The following GOLGA8A variants were observed in gnomAD, a reference collection of about 807,000 sequenced individuals.
GOLGA8A encodes golgin subfamily A member 8A.
In GOLGA8A, 3 loss-of-function variants were observed where a neutral mutation model predicts 22.1. The observed-to-expected ratio is 0.14, with a 90% CI of 0.06 to 0.35. GOLGA8A has a LOEUF of 0.35. Among genes scored for constraint, GOLGA8A ranks in the 10% least tolerant of loss-of-function variants. GOLGA8A has a pLI of 1.00. For synonymous variants in GOLGA8A, 7 were observed against 91.7 expected, an observed-to-expected ratio of 0.08 and a Z score of 5.28; for missense variants, 16 against 233.2, an observed-to-expected ratio of 0.07 and a Z score of 6.07.
At chr15:34,426,631 G>T (rs1426020649) in intron 2 of GOLGA8A, among the ~76,000 whole-genome samples, 2 of 144,756 alleles carry the variant, frequency 1.4e-5, no homozygotes, top group Non-Finnish European at 3.0e-5. Context: ...CATATGTTAG[G>T]CGCCACCCCC....
intron 1 of GOLGA8A, among the ~76,000 whole-genome samples, chr15:34,437,165 G>A (rs1456411638): frequency 1.4e-5 from 2 of 147,198 alleles, no homozygotes; most frequent in African/African-American, 2.5e-5. Context: ...GCACCCGCCC[G>A]CCCATCGTGG....
rs1045552849 is a variant in GOLGA8A at position 34,436,997 on chromosome 15, G to C, written c.-1212+401C>G. Among the ~76,000 whole-genome samples the C allele has an allele frequency of 2.7e-4, 41 of 149,342 alleles. 5 individuals are homozygous for C. Among genetic ancestry groups the C allele is most frequent in the African/African-American group, 8.6e-4 (35 of 40,522 alleles). ...CGCCCGGCACGGGGACTTGATGCCG[G>C]CGCCAAGCCGGGCAGCGGAACGCAC... On this transcript the variant is annotated intron_variant, in intron 1 of 24. Coordinates refer to ENST00000359187, the MANE Select transcript of GOLGA8A (RefSeq NM_181077.5).
intron 2 of GOLGA8A, among the ~76,000 whole-genome samples, chr15:34,423,865 C>A (rs567686694): frequency 6.7e-6 from 1 of 149,530 alleles, no homozygotes; most frequent in South Asian, 2.1e-4. Context: ...TCCCTACCCC[C>A]TCATCTGCCT....
intron 2 of GOLGA8A, among the ~76,000 whole-genome samples, chr15:34,423,442 A>C (rs1428534313): frequency 1.4e-5 from 2 of 143,364 alleles, no homozygotes; most frequent in East Asian, 4.2e-4. Context: ...AGCTGTTAAC[A>C]CCCTGAACAA....
rs1892030381 is a variant in GOLGA8A, at chr15:34,400,752, AAC to A, written c.-569_-568del. 6.8e-6 allele frequency: 1 copy of A among 146,784 alleles called. No homozygotes were observed. The highest frequency in any genetic ancestry group is 6.8e-5 in the Admixed American group (1 of 14,638). 9.1% of individuals were successfully genotyped at this position (146,784 alleles called of 1,614,324 possible). ...GGAAGACAACCCAGTTGACAACGAC[AAC>A]AGTTTCTATGATAACAAAAGTGAGA... On this transcript the variant is annotated 5_prime_UTR_variant, in exon 6 of 25. Transcript: ENST00000359187.
chr15:34,437,717 C>G lies in GOLGA8A; in HGVS notation c.-1531G>C, dbSNP rs1348094052. Among the ~76,000 whole-genome samples the G allele has an allele frequency of 1.4e-5, 2 of 143,840 alleles. 1 individual carries two copies. The allele number at this position is 143,840 out of a possible 152,430, so 94.4% of individuals were successfully genotyped here. On this transcript the variant is annotated 5_prime_UTR_variant, in exon 1 of 25. Coordinates refer to ENST00000359187, the MANE Select transcript of GOLGA8A (RefSeq NM_181077.5). ...TCGCCGCGCCGCCGTCCTCGCCGCG[C>G]CGCTGCCGGGTCTCTCCCGGGGGCT...
At position 34,426,216 on chromosome 15, in the gene GOLGA8A, A is replaced by C. The variant is rs192845548; in HGVS notation, c.-1123+9167T>G. Among the ~76,000 whole-genome samples the C allele has an allele frequency of 4.7e-5, 7 of 149,818 alleles. 1 individual carries two copies. The East Asian group carries it at 1.4e-3, about 29-fold the overall frequency. ...GGAACAACCCAAAAGTTCAATAAAT[A>C]AACAGTCACATATTATGCAAGCGTC... On this transcript the variant is annotated intron_variant, in intron 2 of 24. Transcript: ENST00000359187.
At chr15:34,416,431 C>T (rs1160895686) in intron 2 of GOLGA8A, 2 of 144,624 alleles carry the variant, frequency 1.4e-5, no homozygotes, top group Non-Finnish European at 3.0e-5. Context: ...AATATCTATT[C>T]TATGTTGCTC....
chr15:34,426,127 T>C (rs349635), intron 2 of GOLGA8A, among the ~76,000 whole-genome samples: 1,589 of 148,852 alleles, frequency 0.011, 122 homozygotes, highest in African/African-American at 0.037. Context: ...AACAACCCCA[T>C]GCAGATGCAA....
Position 34,431,312 on chromosome 15 carries a change from CATATATATATAT to C in GOLGA8A, c.-1123+4059_-1123+4070del, listed in dbSNP as rs1157766795. ...AAAATTATATATATATATATATATACATATATATATATATATATATATATATATATATATCTC... is the reference window on the plus strand; with the variant it reads ...AAAATTATATATATATATATATATACATATATATATATATATATATATCTC... On this transcript the variant is annotated intron_variant, in intron 2 of 24. Transcript: ENST00000359187. Among the ~76,000 whole-genome samples the C allele has an allele frequency of 7.5e-3, 341 of 45,746 alleles. 16 individuals are homozygous for C. The highest frequency in any genetic ancestry group is 0.02 in the African/African-American group (335 of 16,844). 30.0% of individuals were successfully genotyped at this position (45,746 alleles called of 152,430 possible).
chr15:34,423,678 C>T (rs991882303), intron 2 of GOLGA8A, among the ~76,000 whole-genome samples: 3 of 148,408 alleles, frequency 2.0e-5, no homozygotes, highest in East Asian at 2.0e-4. Flanking sequence ...CAGGGCCTCC[C>T]CTGGGGCCAT....
rs187246814 is a variant in GOLGA8A, at chr15:34,431,287, A to C, written c.-1123+4096T>G. ...GAATGCCAAACCAACCAAATGAAAAAAAATTATATATATATATATATATAC... is the reference window on the plus strand; with the variant it reads ...GAATGCCAAACCAACCAAATGAAAACAAATTATATATATATATATATATAC... On this transcript the variant is annotated intron_variant, in intron 2 of 24. Coordinates refer to ENST00000359187, the MANE Select transcript of GOLGA8A (RefSeq NM_181077.5). 9.1e-3 allele frequency among the ~76,000 whole-genome samples: 1,087 copies of C among 119,168 alleles called. 65 individuals are homozygous for C. The highest frequency in any genetic ancestry group is 0.035 in the African/African-American group (1,066 of 30,360). The allele number at this position is 119,168 out of a possible 152,430, so 78.2% of individuals were successfully genotyped here. A position where few individuals can be genotyped will look rare whatever the true frequency, so the allele number is the denominator to read the frequency against.
rs920939756 is a variant in GOLGA8A, at chr15:34,431,533, G to C, written c.-1123+3850C>G. The stretch of plus-strand genomic sequence containing the variant: ...ACCTACTACAACACACTAGGTTATA[G>C]GGTACAGTCTACTGCTCCTAGGCTG... On this transcript the variant is annotated intron_variant, in intron 2 of 24. Coordinates refer to ENST00000359187, the MANE Select transcript of GOLGA8A (RefSeq NM_181077.5). Among the ~76,000 whole-genome samples the C allele has an allele frequency of 1.3e-4, 19 of 147,510 alleles. 2 individuals are homozygous for C. The highest frequency in any genetic ancestry group is 4.1e-4 in the Admixed American group (6 of 14,540).
rs867654990 is a variant in GOLGA8A, at chr15:34,424,027, C to T, written c.-1123+11356G>A. Among the ~76,000 whole-genome samples, 21 of 147,998 alleles carry T rather than the reference C, an allele frequency of 1.4e-4. 1 individual carries two copies. The highest frequency in any genetic ancestry group is 6.6e-4 in the South Asian group (3 of 4,518). ...GCACCTGAGGAGACCCTCTGAGCCC[C>T]CTGCCTGAGGCCAAGCAGCAGAGAA... On this transcript the variant is annotated intron_variant, in intron 2 of 24. Transcript: ENST00000359187.
chr15:34,436,792 G>A (rs1031325003), intron 1 of GOLGA8A, among the ~76,000 whole-genome samples: 1 of 149,938 alleles, frequency 6.7e-6, no homozygotes, highest in Non-Finnish European at 1.5e-5. Context: ...GGGCCCTGCA[G>A]AGGCGCAGGT....
At chr15:34,437,257 C>G (rs1427327458) in intron 1 of GOLGA8A, 141 bp downstream of exon 1, 2 of 146,220 alleles carry the variant, frequency 1.4e-5, no homozygotes, top group African/African-American at 2.5e-5. Flanking sequence ...CGCAGCCCCG[C>G]CGAGTCCGGG....
chr15:34,420,492 G>A (rs530283173), intron 2 of GOLGA8A, among the ~76,000 whole-genome samples: 5 of 146,050 alleles, frequency 3.4e-5, no homozygotes, highest in East Asian at 2.0e-4. Context: ...GCCAGGTCAC[G>A]GGCACAGGCC....
intron 2 of GOLGA8A, among the ~76,000 whole-genome samples, chr15:34,428,066 A>G (rs1194301305): frequency 6.8e-6 from 1 of 147,770 alleles, no homozygotes; most frequent in Non-Finnish European, 1.5e-5. Context: ...CCCACATCAA[A>G]TGGAGCTTTC....
intron 2 of GOLGA8A, among the ~76,000 whole-genome samples, chr15:34,422,727 G>A (rs143898050): frequency 0.12 from 11,485 of 96,710 alleles, 3,100 homozygotes; most frequent in South Asian, 0.3. Flanking sequence ...GCTCTCTCTC[G>A]CTCTCGCTCT....
Sources: gnomAD v4.1 joint callset for allele counts (sites outside exome capture counted in the v4.1 genomes callset) on GRCh38, gnomAD v4.1.1 for gene constraint, MANE v1.5 for transcripts, NCBI Gene and HGNC (gene_info 2026-07-23, HGNC 2026-07-21) for gene names.